The following ARHGAP25 variants were observed in gnomAD, a reference collection of about 807,000 sequenced individuals.
The protein encoded by ARHGAP25 is Rho GTPase activating protein 25.
In ARHGAP25, 34 loss-of-function variants were observed where a neutral mutation model predicts 71.0. The observed-to-expected ratio is 0.48, with a 90% confidence interval of 0.36 to 0.64. ARHGAP25 has a LOEUF of 0.64. Among genes scored for constraint, ARHGAP25 ranks in the 30% least tolerant of loss-of-function variants. The pLI is 0.00. For missense variants in ARHGAP25, 706 were observed against 805.1 expected, an observed-to-expected ratio of 0.88 and a Z score of 1.49; for synonymous variants, 282 against 296.5, an observed-to-expected ratio of 0.95 and a Z score of 0.50.
chr2:68,761,900 T>G (rs766822048), intron 1 of ARHGAP25, among the ~76,000 whole-genome samples: 2 of 152,166 alleles, frequency 1.3e-5, no homozygotes, highest in African/African-American at 4.8e-5. Flanking sequence ...CTCAAAGAAT[T>G]GAAAACAGAG....
At chr2:68,784,598 C>A (rs1440057400) in intron 3 of ARHGAP25, among the ~76,000 whole-genome samples, 1 of 152,100 alleles carries the variant, frequency 6.6e-6, no homozygotes, top group Non-Finnish European at 1.5e-5. Context: ...CTCCTCCTAC[C>A]CCAGGGAATC....
At chr2:68,760,947 T>C (rs919553202) in intron 1 of ARHGAP25, among the ~76,000 whole-genome samples, 1 of 151,360 alleles carries the variant, frequency 6.6e-6, no homozygotes, top group African/African-American at 2.4e-5. Flanking sequence ...TCAAAAATTA[T>C]ATGATTAGTT....
intron 2 of ARHGAP25, among the ~76,000 whole-genome samples, chr2:68,718,848 G>C (rs1362825670): frequency 6.6e-6 from 1 of 152,098 alleles, no homozygotes; most frequent in Non-Finnish European, 1.5e-5. Flanking sequence ...TTTAGGATAG[G>C]GGCTTGTCAT....
chr2:68,733,871 A>G (rs1184441739), upstream of ARHGAP25, among the ~76,000 whole-genome samples: 1 of 152,230 alleles, frequency 6.6e-6, no homozygotes, highest in Non-Finnish European at 1.5e-5. Context: ...TGGCTTTTCT[A>G]CTAAAGCCTC....
chr2:68,722,829 C>A (rs941123103), intron 2 of ARHGAP25, among the ~76,000 whole-genome samples: 6 of 152,102 alleles, frequency 3.9e-5, no homozygotes, highest in African/African-American at 1.4e-4. Context: ...AAGCACCATG[C>A]AAAGTGCTTG....
intron 1 of ARHGAP25, 191 bp downstream of exon 1, chr2:68,735,451 A>T: frequency 3.2e-6 from 2 of 630,350 alleles, no homozygotes; most frequent in Non-Finnish European, 5.7e-6. Context: ...GTTCTCTTTC[A>T]TTTGGACAAA....
chr2:68,819,428 G>GCGCCCAC, intron 9 of ARHGAP25, 109 bp downstream of exon 9: 17 of 1,094,190 alleles, frequency 1.6e-5, no homozygotes, highest in Non-Finnish European at 2.2e-5. Flanking sequence ...AGGTGATGCA[G>GCGCCCAC]TGGCAGTGGG....
intron 2 of ARHGAP25, among the ~76,000 whole-genome samples, chr2:68,777,991 C>T (rs1678043222): frequency 6.6e-6 from 1 of 151,806 alleles, no homozygotes; most frequent in South Asian, 2.1e-4. Context: ...ATGAATTTTG[C>T]CCCAACACTA....
chr2:68,733,802 T>C (rs1675089366), upstream of ARHGAP25, among the ~76,000 whole-genome samples: 1 of 152,206 alleles, frequency 6.6e-6, no homozygotes, highest in Admixed American at 6.5e-5. Context: ...GGAGAATGAA[T>C]GGAGCAAGGC....
intron 2 of ARHGAP25, among the ~76,000 whole-genome samples, chr2:68,776,403 C>A (rs984829992): frequency 6.6e-6 from 1 of 152,010 alleles, no homozygotes; most frequent in Non-Finnish European, 1.5e-5. Flanking sequence ...CTACTGTGCT[C>A]AAAAATAGAG....
chr2:68,799,519 T>C (rs911363299), intron 4 of ARHGAP25, among the ~76,000 whole-genome samples: 1 of 152,192 alleles, frequency 6.6e-6, no homozygotes, highest in Admixed American at 6.5e-5. Flanking sequence ...TAAGTGAAAT[T>C]CTGTGTTTCT....
intron 2 of ARHGAP25, among the ~76,000 whole-genome samples, chr2:68,725,637 A>G (rs1315475533): frequency 1.3e-5 from 2 of 152,128 alleles, no homozygotes; most frequent in East Asian, 1.9e-4. Flanking sequence ...TGATTATTTA[A>G]AAGTATACAT....
At chr2:68,755,459 A>C (rs1010068191) in intron 1 of ARHGAP25, among the ~76,000 whole-genome samples, 3 of 152,196 alleles carry the variant, frequency 2.0e-5, no homozygotes, top group Non-Finnish European at 4.4e-5. Context: ...TCTCTTTTTC[A>C]AAATTATACA....
chr2:68,774,757 C>A lies in ARHGAP25; in HGVS notation c.62-464C>A. ...TCTAGCCGGCCGCTGTGGAAGAGTGCCCAGGCAGCTTCCGGCGGCCTCTGC... is the reference window on the plus strand; with the variant it reads ...TCTAGCCGGCCGCTGTGGAAGAGTGACCAGGCAGCTTCCGGCGGCCTCTGC... On this transcript the variant is annotated intron_variant, in intron 1 of 10. Transcript: ENST00000409202. 3 of 1,022,588 alleles carry A rather than the reference C, an allele frequency of 2.9e-6. No individual in the cohort carries two copies. The South Asian group carries it at 1.1e-4, about 36-fold the overall frequency. The allele number at this position is 1,022,588 out of a possible 1,614,324, so 63.3% of individuals were successfully genotyped here.
rs189400993 is a variant in ARHGAP25, at chr2:68,777,515, A to C, written c.261+2095A>C. On this transcript the variant is annotated intron_variant, in intron 2 of 10. Transcript: ENST00000409202. ...CTGAAGGTTCTTGCTTCTCCTCCTT[A>C]CTTCTGGGAGGAAGAAACCCAAAGC... Among the ~76,000 whole-genome samples, 267 of 152,324 alleles carry C rather than the reference A, an allele frequency of 1.8e-3. 4 individuals are homozygous for C. The highest frequency in any genetic ancestry group is 0.017 in the Admixed American group (264 of 15,310).
intron 9 of ARHGAP25, among the ~76,000 whole-genome samples, chr2:68,821,743 A>G (rs957587853): frequency 6.6e-6 from 1 of 152,082 alleles, no homozygotes; most frequent in Non-Finnish European, 1.5e-5. Context: ...ATCTTTTCCT[A>G]TGTACAAGGA....
chr2:68,782,280 C>A lies in ARHGAP25; in HGVS notation c.309C>A (p.Asn103Lys). The stretch of plus-strand genomic sequence containing the variant: ...GTACAATCAAGGAGATCGCCACAAA[C>A]CCAGAAGAAGCTGGGAAGTTTGTCT... Reference protein sequence around the residue: ...PGCTIKEIATNPEEAGKFVFE... With the variant: ...PGCTIKEIATKPEEAGKFVFE... The change falls in exon 3 of 11, where the codon AAC (asparagine) becomes AAA (lysine). Residue 103 changes from asparagine (N) to lysine (K), a missense_variant. Transcript: ENST00000409202. 6.2e-7 allele frequency: 1 copy of A among 1,614,138 alleles called. No homozygotes were observed. The highest frequency in any genetic ancestry group is 8.5e-7 in the Non-Finnish European group (1 of 1,179,996).
chr2:68,819,193 G>A lies in ARHGAP25; in HGVS notation c.1074G>A (p.Lys358=). 2 of 1,613,422 alleles carry A rather than the reference G, an allele frequency of 1.2e-6. No individual in the cohort carries two copies. The highest frequency in any genetic ancestry group is 8.5e-7 in the Non-Finnish European group (1 of 1,179,658). The stretch of plus-strand genomic sequence containing the variant: ...ATGAAGTCCTCTTCCCCAAGTCCAA[G>A]GATATACCCCTGTCACCCCCTGCCC... ...RDHEVLFPKS[K]DIPLSPPAQK... is the part of the protein sequence containing the mutation. The change falls in exon 9 of 11, where the codon AAG becomes AAA. Residue 358 remains lysine (K), a synonymous_variant. Coordinates refer to ENST00000409202, the MANE Select transcript of ARHGAP25 (RefSeq NM_001007231.3).
chr2:68,748,112 G>GTAGTCCTCTGCTCC (rs1558611917), intron 1 of ARHGAP25, among the ~76,000 whole-genome samples: 1 of 152,112 alleles, frequency 6.6e-6, no homozygotes, highest in Admixed American at 6.5e-5. Flanking sequence ...CTTCCCCTCT[G>GTAGTCCTCTGCTCC]TCTCCACCCA....
Sources: allele counts gnomAD v4.1 joint callset (sites outside exome capture counted in the v4.1 genomes callset), GRCh38; gene constraint gnomAD v4.1.1; transcripts MANE v1.5; gene names NCBI Gene and HGNC (gene_info 2026-07-23, HGNC 2026-07-21).